The following AGBL3 variants were observed in gnomAD, a reference collection of about 807,000 sequenced individuals.
AGBL3 encodes the protein AGBL carboxypeptidase 3.
A neutral mutation model predicts 94.5 loss-of-function variants in AGBL3; 68 were observed. The ratio of observed to expected loss-of-function variants is 0.72; its 90% CI spans 0.59 to 0.88. The LOEUF (loss-of-function observed/expected upper bound fraction) is 0.88. Ranked by LOEUF, AGBL3 falls within the 40% of genes least tolerant of loss-of-function variation. The pLI is 0.00. For synonymous variants in AGBL3, 354 were observed against 370.7 expected, an observed-to-expected ratio of 0.95 and a Z score of 0.52; for missense variants, 934 against 1,103.8, an observed-to-expected ratio of 0.85 and a Z score of 2.18.
At chr7:135,066,664 C>T (rs1033155684) in intron 12 of AGBL3, among the ~76,000 whole-genome samples, 1 of 152,178 alleles carries the variant, frequency 6.6e-6, no homozygotes, top group Non-Finnish European at 1.5e-5. Context: ...TATTAGCATT[C>T]CCATGTTTAT....
At chr7:135,014,197 GAAAAA>G (rs58580550) in intron 4 of AGBL3, among the ~76,000 whole-genome samples, 11 of 65,506 alleles carry the variant, frequency 1.7e-4, no homozygotes, top group African/African-American at 6.2e-4. Flanking sequence ...CTCTGTCTCT[GAAAAA>G]AAAAAAAAAA....
At chr7:135,046,039 C>T (rs985083501) in intron 11 of AGBL3, 128 bp downstream of exon 11, 1 of 667,478 alleles carries the variant, frequency 1.5e-6, no homozygotes, top group Non-Finnish European at 2.6e-6. Context: ...AAATTTCTCC[C>T]ATGCCCATTA....
chr7:135,028,882 C>A (rs1815431248), intron 5 of AGBL3, among the ~76,000 whole-genome samples: 1 of 152,132 alleles, frequency 6.6e-6, no homozygotes, highest in Non-Finnish European at 1.5e-5. Flanking sequence ...ATGGTTGTTT[C>A]GTTAACAGGC....
rs1824106218 is a variant in AGBL3, at chr7:135,103,128, A to G, written c.2111-12252A>G. ...ACTTAGCCAGACCATCCGCACCTGG[A>G]AATAAGTCATGGCATTCCAGGAATC... On this transcript the variant is annotated intron_variant, in intron 15 of 16. Coordinates refer to ENST00000436302, the MANE Select transcript of AGBL3 (RefSeq NM_178563.4). Among the ~76,000 whole-genome samples, 3 of 152,320 alleles carry G rather than the reference A, an allele frequency of 2.0e-5. No homozygotes were observed. The South Asian group carries it at 6.2e-4, about 32-fold the overall frequency.
chr7:134,986,723 C>G (rs1809484382), intron 1 of AGBL3, 22 bp downstream of exon 1: 1 of 152,512 alleles, frequency 6.6e-6, no homozygotes, highest in South Asian at 2.1e-4. Flanking sequence ...TAAGGCGGGG[C>G]GCCCCCTGCG....
chr7:135,041,403 C>T lies in AGBL3; in HGVS notation c.1501-2622C>T, dbSNP rs150536156. Reference sequence around the variant, plus strand: ...AATAAAGATAGTATGTTAATAGGAACTGTGTAAACACCAAAAGCAGTGGTA... The same window carrying T: ...AATAAAGATAGTATGTTAATAGGAATTGTGTAAACACCAAAAGCAGTGGTA... On this transcript the variant is annotated intron_variant, in intron 8 of 16. Transcript: ENST00000436302. Among the ~76,000 whole-genome samples, 191 of 152,312 alleles carry T rather than the reference C, an allele frequency of 1.3e-3. 3 individuals are homozygous for T. Among genetic ancestry groups the T allele is most frequent in the African/African-American group, 4.5e-3 (189 of 41,576 alleles).
chr7:135,123,218 G>A (rs189277564), intron 16 of AGBL3, among the ~76,000 whole-genome samples: 100 of 152,232 alleles, frequency 6.6e-4, no homozygotes, highest in African/African-American at 2.2e-3. Context: ...TGGTGGAGCT[G>A]AAAAACAGCA....
chr7:134,993,961 T>C (rs1190524381), intron 4 of AGBL3, among the ~76,000 whole-genome samples: 1 of 152,244 alleles, frequency 6.6e-6, no homozygotes, highest in East Asian at 1.9e-4. Context: ...CATTTATCTT[T>C]ACAGACATTT....
At chr7:135,019,515 G>A (rs897452974) in intron 5 of AGBL3, among the ~76,000 whole-genome samples, 1 of 151,288 alleles carries the variant, frequency 6.6e-6, no homozygotes, top group African/African-American at 2.4e-5. Context: ...TTTTGTGAAT[G>A]GTTTGTGATA....
intron 15 of AGBL3, among the ~76,000 whole-genome samples, chr7:135,105,624 G>T (rs1466640554): frequency 6.6e-6 from 1 of 152,150 alleles, no homozygotes; most frequent in East Asian, 1.9e-4. Context: ...TGCTGTTTTG[G>T]TTACTATAGC....
In AGBL3 at chr7:135,100,549, C is replaced by T. The variant is rs117734279; in HGVS notation, c.2111-14831C>T. ...TGGTATATCCTCTCTTCCTTCCTGG[C>T]TTCTCTTCTAAGAACTCAGTTTCTG... On this transcript the variant is annotated intron_variant, in intron 15 of 16. Transcript: ENST00000436302. Among the ~76,000 whole-genome samples the T allele has an allele frequency of 4.8e-3, 724 of 152,236 alleles. 23 individuals are homozygous for T. In the East Asian group the frequency reaches 0.057, roughly 12 times the overall value.
chr7:134,993,745 G>A, intron 4 of AGBL3, 67 bp downstream of exon 4: 1 of 1,269,970 alleles, frequency 7.9e-7, no homozygotes, highest in Admixed American at 3.0e-5. Context: ...TAATTTTAAT[G>A]AGGAGACTCA....
intron 15 of AGBL3, among the ~76,000 whole-genome samples, chr7:135,110,817 C>T (rs565663144): frequency 2.0e-5 from 3 of 152,186 alleles, no homozygotes; most frequent in Non-Finnish European, 4.4e-5. Flanking sequence ...CCTTAAAACT[C>T]GTTTTGCCTC....
intron 7 of AGBL3, among the ~76,000 whole-genome samples, chr7:135,037,101 G>A (rs1816387719): frequency 6.6e-6 from 1 of 152,118 alleles, no homozygotes; most frequent in Admixed American, 6.5e-5. Context: ...TGTATTTTTA[G>A]TAGAGAGGTG....
intron 15 of AGBL3, chr7:135,094,215 C>G (rs1013961978): frequency 7.8e-5 from 28 of 360,088 alleles, no homozygotes; most frequent in African/African-American, 4.7e-4. Context: ...ATGAATAATG[C>G]TTGAAAGTCA....
rs190317538 is a variant in AGBL3, at chr7:135,090,599, A to T, written c.2110+8809A>T. Among the ~76,000 whole-genome samples the T allele has an allele frequency of 7.2e-4, 110 of 151,846 alleles. 1 individual carries two copies. The highest frequency in any genetic ancestry group is 3.7e-3 in the Admixed American group (57 of 15,264). On this transcript the variant is annotated intron_variant, in intron 15 of 16. Transcript: ENST00000436302. ...CCATTTCCCTGGGATACAGGGCACG[A>T]CTCCAGCTTAGGTACTGGGGTACGT... is the stretch of plus-strand genomic sequence containing the variant.
chr7:134,991,940 G>A (rs1272617580), intron 3 of AGBL3, among the ~76,000 whole-genome samples: 1 of 152,220 alleles, frequency 6.6e-6, no homozygotes, highest in Non-Finnish European at 1.5e-5. Context: ...TCACCTTCCT[G>A]TGGGGGTGCT....
chr7:135,070,893 A>G (rs1819844831), intron 12 of AGBL3, among the ~76,000 whole-genome samples: 1 of 152,110 alleles, frequency 6.6e-6, no homozygotes, highest in Admixed American at 6.5e-5. Context: ...AGGCAGGAGA[A>G]AGAAATAAAG....
intron 12 of AGBL3, among the ~76,000 whole-genome samples, chr7:135,065,204 A>G (rs1400233193): frequency 1.3e-5 from 2 of 152,246 alleles, no homozygotes; most frequent in South Asian, 2.1e-4. Context: ...ATAAATGGAA[A>G]GTATTTTGTG....
Sources: gnomAD v4.1 joint callset for allele counts (sites outside exome capture counted in the v4.1 genomes callset) on GRCh38, gnomAD v4.1.1 for gene constraint, MANE v1.5 for transcripts, NCBI Gene and HGNC (gene_info 2026-07-23, HGNC 2026-07-21) for gene names.